Variants in STIM1 observed in about 807,000 individuals in gnomAD.
The protein encoded by STIM1 is stromal interaction molecule 1.
Under a neutral mutation model 74.7 loss-of-function variants are expected in STIM1, and 25 were observed. The observed-to-expected ratio is 0.33, with a 90% CI of 0.24 to 0.47. The LOEUF (loss-of-function observed/expected upper bound fraction) is 0.47, where lower values mean the gene tolerates loss of function less well. STIM1 is among the 20% of genes least tolerant of loss of function. The pLI, the probability that STIM1 is intolerant of heterozygous loss-of-function variation, is 1.00. For synonymous variants in STIM1, 328 were observed against 348.8 expected (o/e 0.94, Z 0.66); for missense variants, 728 against 920.8 (o/e 0.79, Z 2.71).
intron 1 of STIM1, among the ~76,000 whole-genome samples, chr11:3,914,064 A>G (rs1312444544): frequency 6.6e-6 from 1 of 152,132 alleles, no homozygotes; most frequent in East Asian, 1.9e-4. Context: ...AACTTTCACC[A>G]CTATTTTAAA....
intron 2 of STIM1, among the ~76,000 whole-genome samples, chr11:3,991,360 G>A (rs951436236): frequency 1.3e-5 from 2 of 151,088 alleles, no homozygotes; most frequent in Admixed American, 6.6e-5. Context: ...TTGTAGATAC[G>A]GGGTTTTGCC....
At chr11:4,040,287 C>A (rs2094138421) in intron 3 of STIM1, among the ~76,000 whole-genome samples, 1 of 152,154 alleles carries the variant, frequency 6.6e-6, no homozygotes, top group Non-Finnish European at 1.5e-5. Context: ...TTTCTCTGAT[C>A]TACTTGTTTT....
intron 1 of STIM1, among the ~76,000 whole-genome samples, chr11:3,951,772 A>G (rs1253985746): frequency 2.0e-5 from 3 of 152,160 alleles, no homozygotes; most frequent in African/African-American, 7.2e-5. Context: ...AACTTTTCCC[A>G]GCAGAAAGCC....
intron 3 of STIM1, among the ~76,000 whole-genome samples, chr11:4,045,762 C>CTTTTTTTTTTTT (rs35939527): frequency 9.6e-6 from 1 of 104,488 alleles, no homozygotes; most frequent in African/African-American, 3.4e-5. Context: ...CTCAACACTT[C>CTTTTTTTTTTTT]TTTTTTTTTT....
At chr11:4,015,832 A>T (rs1298315399) in intron 2 of STIM1, among the ~76,000 whole-genome samples, 1 of 152,078 alleles carries the variant, frequency 6.6e-6, no homozygotes, top group Non-Finnish European at 1.5e-5. Flanking sequence ...GCTTGATCAA[A>T]TCGGCTATTG....
intron 2 of STIM1, among the ~76,000 whole-genome samples, chr11:3,976,274 A>G (rs2093447816): frequency 6.6e-6 from 1 of 152,244 alleles, no homozygotes; most frequent in East Asian, 1.9e-4. Context: ...AGGGAAAGAA[A>G]CCAGTCTCAA....
chr11:3,900,201 A>T (rs1266902684), intron 1 of STIM1, among the ~76,000 whole-genome samples: 6 of 152,142 alleles, frequency 3.9e-5, no homozygotes, highest in Non-Finnish European at 7.4e-5. Context: ...CTGTGCTAGC[A>T]ATCAGCAAGA....
rs571897165 is a variant in STIM1, at chr11:3,864,435, G to C, written c.139+8026G>C. 6.6e-5 allele frequency among the ~76,000 whole-genome samples: 10 copies of C among 152,280 alleles called. No homozygotes were observed. In the South Asian group the frequency reaches 2.1e-3, roughly 32 times the overall value. On this transcript the variant is annotated intron_variant, in intron 1 of 12. Transcript: ENST00000526596. The stretch of plus-strand genomic sequence containing the variant: ...GGCTGGGGCTGAAGACTCTATTTGG[G>C]GGGAGAGTGTTTGCTTTTAAGCTAA...
At chr11:4,052,225 A>G (rs982777015) in intron 3 of STIM1, among the ~76,000 whole-genome samples, 1 of 152,200 alleles carries the variant, frequency 6.6e-6, no homozygotes, top group Non-Finnish European at 1.5e-5. Context: ...CAAGCTACCA[A>G]TGAATTTTTT....
At chr11:3,955,293 GGGT>G (rs1362772996) in intron 1 of STIM1, among the ~76,000 whole-genome samples, 1 of 152,166 alleles carries the variant, frequency 6.6e-6, no homozygotes, top group Non-Finnish European at 1.5e-5. Flanking sequence ...ATCTTGATTG[GGGT>G]GGTGGTTACA....
chr11:3,966,618 A>G (rs1373440577), intron 1 of STIM1, among the ~76,000 whole-genome samples: 2 of 152,220 alleles, frequency 1.3e-5, no homozygotes, highest in East Asian at 1.9e-4. Context: ...GGTCAAAAGG[A>G]AAGAGGAATT....
chr11:3,921,038 T>A (rs1324129064), intron 1 of STIM1, among the ~76,000 whole-genome samples: 1 of 152,132 alleles, frequency 6.6e-6, no homozygotes. Flanking sequence ...TCAGGTAATC[T>A]GCCCACCTTG....
rs948417405 is a variant in STIM1 at position 4,008,812 on chromosome 11, A to G, written c.271-15061A>G. 1.1e-4 allele frequency among the ~76,000 whole-genome samples: 17 copies of G among 152,298 alleles called. No homozygotes were observed. In the East Asian group the frequency reaches 3.3e-3, roughly 29 times the overall value. On this transcript the variant is annotated intron_variant, in intron 2 of 12. Coordinates refer to ENST00000526596, the MANE Select transcript of STIM1 (RefSeq NM_001382567.1). ...AAACCCATGCACACATGGGGAGAGC[A>G]TGGAAACTTCACACAGACAGTAGCC...
intron 2 of STIM1, among the ~76,000 whole-genome samples, chr11:3,980,683 A>C (rs2923955): frequency 0.73 from 103,445 of 142,146 alleles, 37,646 homozygotes; most frequent in South Asian, 0.86. Flanking sequence ...ACAACAACAA[A>C]AAAAAACAAA....
chr11:3,947,142 A>C, intron 1 of STIM1, among the ~76,000 whole-genome samples: 1 of 150,370 alleles, frequency 6.7e-6, no homozygotes, highest in Admixed American at 6.6e-5. Context: ...ACTTTCTGGA[A>C]CATTTCTGTG....
chr11:4,060,266 C>A (rs1342281096), intron 5 of STIM1, among the ~76,000 whole-genome samples: 1 of 152,168 alleles, frequency 6.6e-6, no homozygotes, highest in Non-Finnish European at 1.5e-5. Flanking sequence ...TATTTTCAAC[C>A]AAACAGGATC....
At chr11:3,932,210 G>A (rs1044403344) in intron 1 of STIM1, among the ~76,000 whole-genome samples, 2 of 152,196 alleles carry the variant, frequency 1.3e-5, no homozygotes, top group Non-Finnish European at 2.9e-5. Flanking sequence ...AAAACCCTGT[G>A]TCTTGTTTGC....
At chr11:3,925,309 C>T (rs1403999089) in intron 1 of STIM1, among the ~76,000 whole-genome samples, 2 of 152,176 alleles carry the variant, frequency 1.3e-5, no homozygotes, top group East Asian at 1.9e-4. Context: ...GCAGGAGAAT[C>T]GCTTAAACCT....
intron 2 of STIM1, among the ~76,000 whole-genome samples, chr11:3,969,887 CCTGT>C: frequency 6.6e-6 from 1 of 152,168 alleles, no homozygotes; most frequent in Non-Finnish European, 1.5e-5. Context: ...GTGTCACTGA[CCTGT>C]AAAGGATCAA....
Sources: allele counts gnomAD v4.1 joint callset (sites outside exome capture counted in the v4.1 genomes callset), GRCh38; gene constraint gnomAD v4.1.1; transcripts MANE v1.5; gene names NCBI Gene and HGNC (gene_info 2026-07-23, HGNC 2026-07-21).